Variants in LMAN1 observed in about 807,000 individuals in gnomAD.
The protein encoded by LMAN1 is lectin, mannose binding 1.
In LMAN1, 32 loss-of-function variants were observed where a neutral mutation model predicts 67.8. The ratio of observed to expected loss-of-function variants is 0.47; its 90% CI spans 0.36 to 0.63. The LOEUF (loss-of-function observed/expected upper bound fraction) is 0.63. Ranked by LOEUF, LMAN1 falls within the 30% of genes least tolerant of loss-of-function variation. The pLI is 0.00. For synonymous variants in LMAN1, 235 were observed against 219.3 expected (o/e 1.07, Z -0.63); for missense variants, 632 against 628.2 (o/e 1.01, Z -0.06).
At chr18:59,339,076 T>A in intron 8 of LMAN1, 123 bp from the exon 9 acceptor site, 1 of 719,046 alleles carries the variant, frequency 1.4e-6, no homozygotes, top group African/African-American at 1.8e-5. Flanking sequence ...AGTGGTACAA[T>A]CTCCCAAACA....
Position 59,331,447 on chromosome 18 carries a change from A to G in LMAN1, c.1467T>C (p.Thr489=). 3 of 1,609,164 alleles carry G rather than the reference A, an allele frequency of 1.9e-6. No homozygotes were observed. The highest frequency in any genetic ancestry group is 1.7e-6 in the Non-Finnish European group (2 of 1,175,704). ...VHFIIFVVVQ[T]VLFIGYIMYR... ...ACATGATATAACCAATGAATAATAC[A>G]GTTTGCACCACAACAAATATAATGA... Residue 489 remains threonine (T), a synonymous_variant, in exon 12 of 13, where the codon ACT becomes ACC. Transcript: ENST00000251047.
chr18:59,348,590 C>T (rs1305859740), intron 6 of LMAN1, among the ~76,000 whole-genome samples: 2 of 152,158 alleles, frequency 1.3e-5, no homozygotes, highest in African/African-American at 2.4e-5. Context: ...ATGGCATTGA[C>T]GTTGAATGGT....
At chr18:59,340,140 T>C (rs1603394441) in intron 8 of LMAN1, among the ~76,000 whole-genome samples, 2 of 152,154 alleles carry the variant, frequency 1.3e-5, no homozygotes, top group Non-Finnish European at 2.9e-5. Flanking sequence ...TTTGAGAGTT[T>C]CATGCTGGGC....
chr18:59,331,010 T>C lies in LMAN1; in HGVS notation c.*83A>G. 1 of 896,384 alleles carries C rather than the reference T, an allele frequency of 1.1e-6. No individual in the cohort carries two copies. The highest frequency in any genetic ancestry group is 2.4e-5 in the East Asian group (1 of 41,080). The allele number at this position is 896,384 out of a possible 1,614,324, so 55.5% of individuals were successfully genotyped here. On this transcript the variant is annotated 3_prime_UTR_variant, in exon 13 of 13. Transcript: ENST00000251047. ...TATTAAGAAAATTAATAATTTAGAC[T>C]ATGAAGCAATTTAAATACTTAAATT...
intron 1 of LMAN1, among the ~76,000 whole-genome samples, chr18:59,358,220 A>C (rs775746862): frequency 6.6e-6 from 1 of 152,250 alleles, no homozygotes; most frequent in African/African-American, 2.4e-5. Flanking sequence ...CAAAAGTGCC[A>C]AACACAGAGA....
rs1390127438 is a variant in LMAN1 at position 59,353,299 on chromosome 18, T to C, written c.542A>G (p.Asp181Gly). ...NGQIHYDHQNDGASQALASCQ... is the reference protein window; with the variant it reads ...NGQIHYDHQNGGASQALASCQ... ...ACTTGCCAAAGCTTGACTAGCCCCG[T>C]CACTATAGTGTAAGGGGGAGGAAAA... Residue 181 changes from aspartate (D) to glycine (G), a missense_variant and splice_region_variant, in exon 5 of 13, where the codon GAC becomes GGC. By Grantham distance (94) the Asp-to-Gly change is moderately conservative. Coordinates refer to ENST00000251047, the MANE Select transcript of LMAN1 (RefSeq NM_005570.4). 1.2e-6 allele frequency: 2 copies of C among 1,612,472 alleles called. No homozygotes were observed. The highest frequency in any genetic ancestry group is 1.7e-6 in the Non-Finnish European group (2 of 1,178,506).
intron 7 of LMAN1, among the ~76,000 whole-genome samples, chr18:59,347,308 G>A (rs897683726): frequency 1.3e-4 from 15 of 111,710 alleles, no homozygotes; most frequent in African/African-American, 3.5e-4. Context: ...GAGACAGAGC[G>A]AGACTCCGTC....
intron 10 of LMAN1, among the ~76,000 whole-genome samples, chr18:59,336,316 G>A (rs775518189): frequency 1.1e-4 from 17 of 152,152 alleles, no homozygotes; most frequent in Non-Finnish European, 2.5e-4. Context: ...CTAGAAGATA[G>A]AGCAGTACCA....
At chr18:59,358,843 G>A (rs989435565) in intron 1 of LMAN1, among the ~76,000 whole-genome samples, 188 bp downstream of exon 1, 13 of 152,174 alleles carry the variant, frequency 8.5e-5, no homozygotes, top group Non-Finnish European at 1.5e-5. Flanking sequence ...TCGGGGACAA[G>A]CGGAGGGAAC....
At chr18:59,342,655 CATT>C (rs1908313442) in intron 8 of LMAN1, among the ~76,000 whole-genome samples, 1 of 151,116 alleles carries the variant, frequency 6.6e-6, no homozygotes, top group African/African-American at 2.4e-5. Context: ...CACACCTCAA[CATT>C]AGGCCACATA....
intron 11 of LMAN1, 27 bp downstream of exon 11, chr18:59,333,064 T>C: frequency 6.3e-7 from 1 of 1,582,896 alleles, no homozygotes; most frequent in Non-Finnish European, 8.7e-7. Context: ...AGATTATAAT[T>C]ATAAAAGGAA....
intron 4 of LMAN1, among the ~76,000 whole-genome samples, chr18:59,354,023 G>A (rs957067090): frequency 1.3e-5 from 2 of 152,126 alleles, no homozygotes; most frequent in African/African-American, 4.8e-5. Context: ...TCTGCAGTTG[G>A]TTGAATCCAC....
chr18:59,334,262 C>T (rs984956717), intron 10 of LMAN1, among the ~76,000 whole-genome samples: 1 of 152,156 alleles, frequency 6.6e-6, no homozygotes, highest in Non-Finnish European at 1.5e-5. Context: ...TGCTCCTACT[C>T]AGTCATTCAT....
intron 10 of LMAN1, 139 bp from the exon 11 acceptor site, chr18:59,333,383 A>T (rs1205889111): frequency 1.5e-6 from 1 of 669,180 alleles, no homozygotes; most frequent in Non-Finnish European, 2.5e-6. Flanking sequence ...ATCTTTAAAA[A>T]TCGAGTTGTG....
intron 7 of LMAN1, among the ~76,000 whole-genome samples, chr18:59,346,348 G>A (rs916824087): frequency 4.0e-5 from 6 of 150,810 alleles, no homozygotes; most frequent in Non-Finnish European, 8.8e-5. Flanking sequence ...AGCCTCCCGA[G>A]TAGCTGGGAC....
chr18:59,332,124 C>T (rs955281294), intron 11 of LMAN1, among the ~76,000 whole-genome samples: 1 of 152,022 alleles, frequency 6.6e-6, no homozygotes. Context: ...AGACTTCATC[C>T]AAGTACCCAG....
rs188924797 is a variant in LMAN1 at position 59,358,854 on chromosome 18, C to T, written c.214+177G>A. On this transcript the variant is annotated intron_variant, in intron 1 of 12. Coordinates refer to ENST00000251047, the MANE Select transcript of LMAN1 (RefSeq NM_005570.4). The stretch of plus-strand genomic sequence containing the variant: ...AGACTCGGGGACAAGCGGAGGGAAC[C>T]GTGCGAACCAGGAGGGACCCGGCGG... Among the ~76,000 whole-genome samples, 125 of 152,238 alleles carry T rather than the reference C, an allele frequency of 8.2e-4. 1 individual carries two copies. Among genetic ancestry groups the T allele is most frequent in the African/African-American group, 2.9e-3 (119 of 41,544 alleles).
At chr18:59,355,789 G>A in intron 1 of LMAN1, 131 bp from the exon 2 acceptor site, 1 of 1,030,248 alleles carries the variant, frequency 9.7e-7, no homozygotes, top group African/African-American at 1.6e-5. Context: ...AAAATTTCAT[G>A]TTGACAGTTT....
At chr18:59,338,998 T>A (rs376500248) in intron 8 of LMAN1, 45 bp from the exon 9 acceptor site, 2 of 1,555,556 alleles carry the variant, frequency 1.3e-6, no homozygotes, top group Non-Finnish European at 1.8e-6. Flanking sequence ...CCTACACATA[T>A]GTAGTTTTTG....
Sources: gnomAD v4.1 joint callset for allele counts (sites outside exome capture counted in the v4.1 genomes callset) on GRCh38, gnomAD v4.1.1 for gene constraint, MANE v1.5 for transcripts, NCBI Gene and HGNC (gene_info 2026-07-23, HGNC 2026-07-21) for gene names.